The following GZMM variants were observed in gnomAD, a reference collection of about 807,000 sequenced individuals.
GZMM encodes the protein HU-Met-1.
GZMM carries 23 observed loss-of-function variants against 19.2 expected under a neutral mutation model. That is an observed-to-expected ratio of 1.20 (90% CI 0.86 to 1.69). GZMM has a LOEUF of 1.69. Among genes scored for constraint, GZMM ranks in the 40% most tolerant of loss-of-function variants. The probability of loss-of-function intolerance (pLI) is 0.00; values close to 1 mark genes in which losing one functional copy is unlikely to be tolerated. For missense variants in GZMM, 373 were observed against 352.2 expected, an observed-to-expected ratio of 1.06 and a Z score of -0.47; for synonymous variants, 178 against 160.2, an observed-to-expected ratio of 1.11 and a Z score of -0.84.
rs1341574974 is a variant in GZMM at position 545,061 on chromosome 19, TCCTC to T, written c.55+942_55+945del. On this transcript the variant is annotated intron_variant, in intron 1 of 4. Transcript: ENST00000264553. ...TCTCTTCCTTTCCCCCCTCCTTCCCTCCTCCCTCCCATCCATCCATCATCCATTC... is the reference window on the plus strand; with the variant it reads ...TCTCTTCCTTTCCCCCCTCCTTCCCTCCTCCCATCCATCCATCATCCATTC... Among the ~76,000 whole-genome samples, 8 of 151,382 alleles carry T rather than the reference TCCTC, an allele frequency of 5.3e-5. No homozygotes were observed. The South Asian group carries it at 8.3e-4, about 16-fold the overall frequency.
intron 2 of GZMM, 85 bp downstream of exon 2, chr19:547,521 AT>A: frequency 1.8e-6 from 2 of 1,097,368 alleles, no homozygotes; most frequent in Non-Finnish European, 2.4e-6. Context: ...GCTCTGGGAG[AT>A]TTAGGCCCAT....
In GZMM at chr19:549,022, G is replaced by T. The variant is rs375216906; in HGVS notation, c.449G>T (p.Trp150Leu). ...AAGTRCSMAGWGLTHQGGRLS... is the reference protein window; with the variant it reads ...AAGTRCSMAGLGLTHQGGRLS... Reference sequence around the variant, plus strand: ...GGGACTCGGTGCAGCATGGCCGGCTGGGGGCTGACCCACCAGGGCGGGCGC... The same window carrying T: ...GGGACTCGGTGCAGCATGGCCGGCTTGGGGCTGACCCACCAGGGCGGGCGC... The change falls in exon 4 of 5, where the codon TGG (tryptophan) becomes TTG (leucine). Residue 150 changes from tryptophan (W) to leucine (L), a missense_variant. By Grantham distance (61) the Trp-to-Leu change is moderately conservative (BLOSUM62 -2). Transcript: ENST00000264553. 1.2e-6 allele frequency: 2 copies of T among 1,602,560 alleles called. No homozygotes were observed. Among genetic ancestry groups the T allele is most frequent in the South Asian group, 2.3e-5 (2 of 88,802 alleles).
rs146201764 is a variant in GZMM, at chr19:548,955, C to T, written c.382C>T (p.Arg128Trp). 852 of 1,593,674 alleles carry T rather than the reference C, an allele frequency of 5.3e-4. 5 individuals are homozygous for T. The African/African-American group carries it at 0.01, about 19-fold the overall frequency. Residue 128 changes from arginine to tryptophan, a missense_variant, in exon 4 of 5, where the codon CGG (arginine) becomes TGG (tryptophan). Coordinates refer to ENST00000264553, the MANE Select transcript of GZMM (RefSeq NM_005317.4). ...DGKVKPSRTI[R>W]PLALPSKRQV... Reference sequence around the variant, plus strand: ...GAAAGTGAAGCCCAGCCGGACCATCCGGCCGTTGGCCCTGCCCAGTAAGCG... The same window carrying T: ...GAAAGTGAAGCCCAGCCGGACCATCTGGCCGTTGGCCCTGCCCAGTAAGCG...
In GZMM at chr19:549,748, C is replaced by T. The variant is rs1267600810; in HGVS notation, c.731C>T (p.Pro244Leu). 5.6e-6 allele frequency: 9 copies of T among 1,613,658 alleles called. No individual in the cohort carries two copies. Among genetic ancestry groups the T allele is most frequent in the African/African-American group, 1.3e-5 (1 of 75,052 alleles). ...CCTCCCGTGGCCACCGCTGTGGCGC[C>T]TTACGTGTCCTGGATCAGGAAGGTC... The part of the protein sequence containing the change: ...FKPPVATAVA[P>L]YVSWIRKVTG... The change falls in exon 5 of 5, where the codon CCT becomes CTT. Residue 244 changes from proline to leucine, a missense_variant. Coordinates refer to ENST00000264553, the MANE Select transcript of GZMM (RefSeq NM_005317.4).
At chr19:544,494 G>A (rs1001678892) in intron 1 of GZMM, among the ~76,000 whole-genome samples, 21 of 152,234 alleles carry the variant, frequency 1.4e-4, no homozygotes, top group Non-Finnish European at 2.5e-4. Flanking sequence ...CCCGCTGGCT[G>A]CCTGCCACCA....
intron 3 of GZMM, 90 bp from the exon 4 acceptor site, chr19:548,832 C>T: frequency 2.0e-6 from 1 of 497,282 alleles, no homozygotes; most frequent in Non-Finnish European, 3.5e-6. Flanking sequence ...CCACCCTCCC[C>T]CCACTGCCAC....
chr19:549,860 T>C lies in GZMM; in HGVS notation c.*69T>C. The stretch of plus-strand genomic sequence containing the variant: ...CTTCCCCTCCAGGGGTGCAGTGGGG[T>C]GGGTGAGGACGGGTGGGAGGGACAG... On this transcript the variant is annotated 3_prime_UTR_variant, in exon 5 of 5. Transcript: ENST00000264553. 1 of 521,366 alleles carries C rather than the reference T, an allele frequency of 1.9e-6. No individual in the cohort carries two copies. The highest frequency in any genetic ancestry group is 3.6e-6 in the Non-Finnish European group (1 of 274,362). The allele number at this position is 521,366 out of a possible 1,614,324, so 32.3% of individuals were successfully genotyped here. A position where few individuals can be genotyped will look rare whatever the true frequency, so the allele number is the denominator to read the frequency against.
chr19:544,929 ACCCG>A (rs1980209614), intron 1 of GZMM, among the ~76,000 whole-genome samples: 2 of 47,940 alleles, frequency 4.2e-5, no homozygotes, highest in Non-Finnish European at 8.9e-5. Flanking sequence ...TCTTCCACCC[ACCCG>A]TCCATCCATC....
In GZMM at chr19:549,753, G is replaced by T. The variant is rs760924563; in HGVS notation, c.736G>T (p.Val246Leu). ...PPVATAVAPY[V>L]SWIRKVTGRS... The stretch of plus-strand genomic sequence containing the variant: ...CGTGGCCACCGCTGTGGCGCCTTAC[G>T]TGTCCTGGATCAGGAAGGTCACCGG... The change falls in exon 5 of 5, where the codon GTG becomes TTG. Residue 246 changes from valine (V) to leucine (L), a missense_variant. Physicochemically the swap from Val to Leu is conservative, Grantham distance 32. Transcript: ENST00000264553. The T allele has an allele frequency of 3.1e-6, 5 of 1,613,394 alleles. No individual in the cohort carries two copies. Among genetic ancestry groups the T allele is most frequent in the East Asian group, 2.2e-5 (1 of 44,884 alleles).
At chr19:549,474 G>A (rs759556462) in intron 4 of GZMM, among the ~76,000 whole-genome samples, 156 bp from the exon 5 acceptor site, 2 of 152,226 alleles carry the variant, frequency 1.3e-5, no homozygotes, top group African/African-American at 2.4e-5. Flanking sequence ...CAGGGCCAGC[G>A]GGAGATGGGG....
At chr19:547,936 G>C (rs1157282070) in intron 2 of GZMM, among the ~76,000 whole-genome samples, 1 of 152,124 alleles carries the variant, frequency 6.6e-6, no homozygotes, top group African/African-American at 2.4e-5. Context: ...CCGTCATACA[G>C]AGCCCAGATC....
chr19:549,827 A>G lies in GZMM; in HGVS notation c.*36A>G, dbSNP rs759735037. The stretch of plus-strand genomic sequence containing the variant: ...TGATGGGGACCCCCTCGCTGTCTCC[A>G]CAGGACCCTTCCCCTCCAGGGGTGC... On this transcript the variant is annotated 3_prime_UTR_variant, in exon 5 of 5. Transcript: ENST00000264553. 3 of 1,470,988 alleles carry G rather than the reference A, an allele frequency of 2.0e-6. No homozygotes were observed. The highest frequency in any genetic ancestry group is 2.8e-6 in the Non-Finnish European group (3 of 1,086,580). The allele number at this position is 1,470,988 out of a possible 1,614,324, so 91.1% of individuals were successfully genotyped here.
chr19:547,211 C>A, intron 1 of GZMM, 69 bp from the exon 2 acceptor site: 2 of 1,387,028 alleles, frequency 1.4e-6, no homozygotes, highest in Non-Finnish European at 1.9e-6. Flanking sequence ...CTGAGCTGGG[C>A]AAGGACAGTC....
chr19:546,074 C>CT (rs397771049), intron 1 of GZMM, among the ~76,000 whole-genome samples: 3 of 151,866 alleles, frequency 2.0e-5, no homozygotes, highest in African/African-American at 4.8e-5. Context: ...GCCACTGCAC[C>CT]GGCCCGCAAG....
Position 548,985 on chromosome 19 carries a change from G to T in GZMM, c.412G>T (p.Val138Leu). 1 of 1,604,394 alleles carries T rather than the reference G, an allele frequency of 6.2e-7. No individual in the cohort carries two copies. The change falls in exon 4 of 5, where the codon GTG becomes TTG. Residue 138 changes from valine to leucine, a missense_variant. Coordinates refer to ENST00000264553, the MANE Select transcript of GZMM (RefSeq NM_005317.4). ...RPLALPSKRQ[V>L]VAAGTRCSMA... Reference sequence around the variant, plus strand: ...GTTGGCCCTGCCCAGTAAGCGCCAGGTGGTGGCAGCAGGGACTCGGTGCAG... The same window carrying T: ...GTTGGCCCTGCCCAGTAAGCGCCAGTTGGTGGCAGCAGGGACTCGGTGCAG...
At chr19:545,099 A>ATCCCTCCTCCCTCCCTCCCTTTG (rs1980221670) in intron 1 of GZMM, among the ~76,000 whole-genome samples, 1 of 141,242 alleles carries the variant, frequency 7.1e-6, no homozygotes, top group Admixed American at 7.0e-5. Flanking sequence ...TCCTCCTTCC[A>ATCCCTCCTCCCTCCCTCCCTTTG]TCCCTCCTTC....
rs1009266847 is a variant in GZMM at position 548,603 on chromosome 19, C to A, written c.274C>A (p.His92Asn). 1 of 1,613,552 alleles carries A rather than the reference C, an allele frequency of 6.2e-7. No individual in the cohort carries two copies. The highest frequency in any genetic ancestry group is 8.5e-7 in the Non-Finnish European group (1 of 1,179,684). The change falls in exon 3 of 5, where the codon CAC becomes AAC. Residue 92 changes from histidine (H) to asparagine (N), a missense_variant. Coordinates refer to ENST00000264553, the MANE Select transcript of GZMM (RefSeq NM_005317.4). ...CCTGGACAGCCCCGGTCTCACCTTCCACATCAAGGCAGCCATCCAGCACCC... is the reference window on the plus strand; with the variant it reads ...CCTGGACAGCCCCGGTCTCACCTTCAACATCAAGGCAGCCATCCAGCACCC... The part of the protein sequence containing the change: ...HTLDSPGLTF[H>N]IKAAIQHPRY...
At position 549,634 on chromosome 19, in the gene GZMM, A is replaced by G. The variant is rs1169587073; in HGVS notation, c.617A>G (p.Asp206Gly). 1 of 1,611,496 alleles carries G rather than the reference A, an allele frequency of 6.2e-7. No individual in the cohort carries two copies. The highest frequency in any genetic ancestry group is 2.2e-5 in the East Asian group (1 of 44,856). The change falls in exon 5 of 5, where the codon GAC becomes GGC. Residue 206 changes from aspartate to glycine, a missense_variant. By Grantham distance (94) the Asp-to-Gly change is moderately conservative. Coordinates refer to ENST00000264553, the MANE Select transcript of GZMM (RefSeq NM_005317.4). ...DSKDQAPCKG[D>G]SGGPLVCGKG... ...TGCGGTGTGTCGTCCCTGCAGGGTGACTCGGGCGGGCCCCTGGTGTGTGGC... is the reference window on the plus strand; with the variant it reads ...TGCGGTGTGTCGTCCCTGCAGGGTGGCTCGGGCGGGCCCCTGGTGTGTGGC...
rs1048668692 is a variant in GZMM at position 547,268 on chromosome 19, C to G, written c.56-12C>G. 6.7e-7 allele frequency: 1 copy of G among 1,498,330 alleles called. No individual in the cohort carries two copies. 92.8% of individuals were successfully genotyped at this position (1,498,330 alleles called of 1,614,324 possible). On this transcript the variant is annotated splice_polypyrimidine_tract_variant and intron_variant, in intron 1 of 4. Coordinates refer to ENST00000264553, the MANE Select transcript of GZMM (RefSeq NM_005317.4). ...TAGCCCCAACCTGGCTCTTTGTCCC[C>G]CATCCTGGCAGGCAGCTCCTTTGGG...
Sources: gnomAD v4.1 joint callset for allele counts (sites outside exome capture counted in the v4.1 genomes callset) on GRCh38, gnomAD v4.1.1 for gene constraint, MANE v1.5 for transcripts, NCBI Gene and HGNC (gene_info 2026-07-23, HGNC 2026-07-21) for gene names.